Variants in CACNG5 observed in about 807,000 individuals in gnomAD.
CACNG5 encodes the protein voltage-dependent calcium channel gamma-5 subunit.
In CACNG5, 18 loss-of-function variants were observed where a neutral mutation model predicts 24.8. That is an observed-to-expected ratio of 0.73 (90% confidence interval 0.50 to 1.08). The LOEUF (loss-of-function observed/expected upper bound fraction) is 1.08. CACNG5 is among the 50% of genes least tolerant of loss of function. The pLI is 0.00. For missense variants in CACNG5, 349 were observed against 367.9 expected (o/e 0.95, Z 0.42); for synonymous variants, 157 against 149.1 (o/e 1.05, Z -0.39).
chr17:66,893,942 A>C lies in CACNG5; in HGVS notation c.*8702A>C, dbSNP rs1977377440. 6.6e-6 allele frequency among the ~76,000 whole-genome samples: 1 copy of C among 152,020 alleles called. No individual in the cohort carries two copies. Among genetic ancestry groups the C allele is most frequent in the Non-Finnish European group, 1.5e-5 (1 of 67,988 alleles). On this transcript the variant is annotated 3_prime_UTR_variant, in exon 6 of 6. Transcript: ENST00000533854. Reference sequence around the variant, plus strand: ...ATTAAGTCTGTCTGAGCCCCTATTCACCTGGGTGGTGAGAAATTCAGTGTT... The same window carrying C: ...ATTAAGTCTGTCTGAGCCCCTATTCCCCTGGGTGGTGAGAAATTCAGTGTT...
rs1444204242 is a variant in CACNG5, at chr17:66,889,844, ATGTT to A, written c.*4607_*4610del. ...ACACCTTCACAGGACAGTTAGAAAAATGTTTGGCCAAATATTTGGGCAGCACCAT... is the reference window on the plus strand; with the variant it reads ...ACACCTTCACAGGACAGTTAGAAAAATGGCCAAATATTTGGGCAGCACCAT... On this transcript the variant is annotated 3_prime_UTR_variant, in exon 6 of 6. Transcript: ENST00000533854. Among the ~76,000 whole-genome samples the A allele has an allele frequency of 1.3e-5, 2 of 152,218 alleles. No homozygotes were observed. The highest frequency in any genetic ancestry group is 4.8e-5 in the African/African-American group (2 of 41,466).
chr17:66,862,888 T>TTC (rs144007490), intron 1 of CACNG5, among the ~76,000 whole-genome samples: 1,493 of 95,618 alleles, frequency 0.016, 29 homozygotes, highest in East Asian at 0.054. Flanking sequence ...TGCCAGCATA[T>TTC]TCTCTGTGTG....
chr17:66,842,366 G>A (rs1460345360), intron 1 of CACNG5, among the ~76,000 whole-genome samples: 1 of 152,300 alleles, frequency 6.6e-6, no homozygotes, highest in East Asian at 1.9e-4. Context: ...TGTCAGGAGG[G>A]TTTGTGGTTG....
intron 1 of CACNG5, among the ~76,000 whole-genome samples, chr17:66,855,776 C>T (rs1015572022): frequency 1.3e-5 from 2 of 152,190 alleles, no homozygotes; most frequent in East Asian, 1.9e-4. Flanking sequence ...GGATTACAGG[C>T]GTGAGCCACC....
rs1977244093 is a variant in CACNG5, at chr17:66,885,415, G to A, written c.*175G>A. The A allele has an allele frequency of 4.1e-6, 3 of 740,116 alleles. No individual in the cohort carries two copies. The Admixed American group carries it at 8.9e-5, about 22-fold the overall frequency. The allele number at this position is 740,116 out of a possible 1,614,324, so 45.8% of individuals were successfully genotyped here. A position where few individuals can be genotyped will look rare whatever the true frequency, so the allele number is the denominator to read the frequency against. On this transcript the variant is annotated 3_prime_UTR_variant, in exon 6 of 6. Coordinates refer to ENST00000533854, the MANE Select transcript of CACNG5 (RefSeq NM_145811.3). ...CTCCAGAAGGGCTCTAACTGCCCCA[G>A]CATGGGTGTGGGAGTCTGGAGTCTG...
At chr17:66,873,645 C>A (rs1024979222) in intron 1 of CACNG5, among the ~76,000 whole-genome samples, 2 of 152,152 alleles carry the variant, frequency 1.3e-5, no homozygotes, top group African/African-American at 4.8e-5. Context: ...AATAACAATA[C>A]CTTATACCAG....
In CACNG5 at chr17:66,872,447, A is replaced by G. The variant is rs57661542; in HGVS notation, c.-103-4783A>G. On this transcript the variant is annotated intron_variant, in intron 1 of 5. Transcript: ENST00000533854. ...CCTACTGAAGACACTGGGTGAGAGA[A>G]TATGTACACACATGCACAACTACGT... is the stretch of plus-strand genomic sequence containing the variant. Among the ~76,000 whole-genome samples, 591 of 152,330 alleles carry G rather than the reference A, an allele frequency of 3.9e-3. 3 individuals are homozygous for G. The highest frequency in any genetic ancestry group is 0.014 in the African/African-American group (564 of 41,576).
rs1977014137 is a variant in CACNG5 at position 66,871,966 on chromosome 17, A to G, written c.-103-5264A>G. 2.0e-5 allele frequency among the ~76,000 whole-genome samples: 3 copies of G among 152,228 alleles called. No individual in the cohort carries two copies. In the South Asian group the frequency reaches 6.2e-4, roughly 31 times the overall value. ...GTTGCCATCTCCAGCCCAGGAGTTTAGCTGGAGCCCTGCACTTTTGTATAC... is the reference window on the plus strand; with the variant it reads ...GTTGCCATCTCCAGCCCAGGAGTTTGGCTGGAGCCCTGCACTTTTGTATAC... On this transcript the variant is annotated intron_variant, in intron 1 of 5. Transcript: ENST00000533854.
chr17:66,881,968 GAGA>G (rs1225406209), intron 4 of CACNG5, among the ~76,000 whole-genome samples: 1 of 152,150 alleles, frequency 6.6e-6, no homozygotes, highest in Non-Finnish European at 1.5e-5. Flanking sequence ...GGGACTTTAG[GAGA>G]AGACTTAGAT....
At position 66,888,182 on chromosome 17, in the gene CACNG5, C is replaced by CTTTT. The variant is rs1202304621; in HGVS notation, c.*2959_*2962dup. On this transcript the variant is annotated 3_prime_UTR_variant, in exon 6 of 6. Coordinates refer to ENST00000533854, the MANE Select transcript of CACNG5 (RefSeq NM_145811.3). ...CCCACACCTGGAACTTACTACCCTA[C>CTTTT]TTTTTTTTTTTTTTTTTTTTGAGAT... Among the ~76,000 whole-genome samples, 16 of 118,634 alleles carry CTTTT rather than the reference C, an allele frequency of 1.3e-4. No homozygotes were observed. The highest frequency in any genetic ancestry group is 3.7e-4 in the African/African-American group (11 of 29,650). 77.8% of individuals were successfully genotyped at this position (118,634 alleles called of 152,430 possible).
intron 1 of CACNG5, among the ~76,000 whole-genome samples, chr17:66,853,440 G>A (rs1295422941): frequency 6.6e-6 from 1 of 152,202 alleles, no homozygotes; most frequent in Non-Finnish European, 1.5e-5. Flanking sequence ...CAAAGCAGTT[G>A]TACCATTTTG....
chr17:66,857,173 C>G (rs72843351), intron 1 of CACNG5, among the ~76,000 whole-genome samples: 2 of 148,640 alleles, frequency 1.3e-5, no homozygotes, highest in Non-Finnish European at 3.0e-5. Context: ...ATCCTCCTAC[C>G]TAGCCTCTCA....
chr17:66,885,533 A>C lies in CACNG5; in HGVS notation c.*293A>C. 1.8e-5 allele frequency: 7 copies of C among 391,374 alleles called. No homozygotes were observed. The highest frequency in any genetic ancestry group is 1.0e-4 in the South Asian group (2 of 20,002). 24.2% of individuals were successfully genotyped at this position (391,374 alleles called of 1,614,324 possible). A position where few individuals can be genotyped will look rare whatever the true frequency, so the allele number is the denominator to read the frequency against. On this transcript the variant is annotated 3_prime_UTR_variant, in exon 6 of 6. Transcript: ENST00000533854. ...CTCCAGGAAGCCAGCAGCTCCCCCC[A>C]AGCCCAGGAGACACCGATGTTCCCT...
At chr17:66,861,936 G>A (rs189135259) in intron 1 of CACNG5, among the ~76,000 whole-genome samples, 1 of 152,206 alleles carries the variant, frequency 6.6e-6, no homozygotes, top group African/African-American at 2.4e-5. Context: ...AGGGTGTTTT[G>A]CTTTCTGCAA....
intron 1 of CACNG5, among the ~76,000 whole-genome samples, chr17:66,867,393 G>A (rs1386049750): frequency 6.6e-6 from 1 of 152,104 alleles, no homozygotes; most frequent in Non-Finnish European, 1.5e-5. Context: ...TGAGTAGATT[G>A]TAAAAACTTT....
chr17:66,874,831 C>CCTTTGTT (rs1977053258), intron 1 of CACNG5, among the ~76,000 whole-genome samples: 2 of 152,146 alleles, frequency 1.3e-5, no homozygotes, highest in African/African-American at 4.8e-5. Context: ...GAGCCATATC[C>CCTTTGTT]CTTTGTTCTC....
chr17:66,862,892 CTGTGTGTGTGTGTGTG>C (rs56308917), intron 1 of CACNG5, among the ~76,000 whole-genome samples: 6 of 142,172 alleles, frequency 4.2e-5, no homozygotes, highest in Non-Finnish European at 7.7e-5. Flanking sequence ...AGCATATTCT[CTGTGTGTGTGTGTGTG>C]TGTGTGTGTG....
Position 66,892,709 on chromosome 17 carries a change from G to C in CACNG5, c.*7469G>C, listed in dbSNP as rs1436672395. On this transcript the variant is annotated 3_prime_UTR_variant, in exon 6 of 6. Coordinates refer to ENST00000533854, the MANE Select transcript of CACNG5 (RefSeq NM_145811.3). Reference sequence around the variant, plus strand: ...ACAACAATGTGTGTGAAAACACCGTGTAAACTGTAAAGTCCTCTTTGGACT... The same window carrying C: ...ACAACAATGTGTGTGAAAACACCGTCTAAACTGTAAAGTCCTCTTTGGACT... Among the ~76,000 whole-genome samples, 1 of 152,232 alleles carries C rather than the reference G, an allele frequency of 6.6e-6. No homozygotes were observed. The highest frequency in any genetic ancestry group is 2.1e-4 in the South Asian group (1 of 4,832).
intron 1 of CACNG5, among the ~76,000 whole-genome samples, chr17:66,845,209 G>T (rs143967578): frequency 2.0e-5 from 3 of 152,104 alleles, no homozygotes; most frequent in South Asian, 2.1e-4. Flanking sequence ...ACCAAACACC[G>T]CATGTTCTCA....
Sources: allele counts gnomAD v4.1 joint callset (sites outside exome capture counted in the v4.1 genomes callset), GRCh38; gene constraint gnomAD v4.1.1; transcripts MANE v1.5; gene names NCBI Gene and HGNC (gene_info 2026-07-23, HGNC 2026-07-21).